Variants in PKHD1L1 observed in about 807,000 individuals in gnomAD.
The protein encoded by PKHD1L1 is fibrocystin-L.
PKHD1L1 carries 434 observed loss-of-function variants against 462.9 expected under a neutral mutation model. The ratio of observed to expected loss-of-function variants is 0.94; its 90% CI spans 0.87 to 1.02. The LOEUF (loss-of-function observed/expected upper bound fraction) is 1.02. Ranked by LOEUF, PKHD1L1 falls within the 50% of genes least tolerant of loss-of-function variation. PKHD1L1 has a pLI of 0.00. For synonymous variants in PKHD1L1, 1,781 were observed against 1,750.0 expected (o/e 1.02, Z -0.44); for missense variants, 5,202 against 5,096.1 (o/e 1.02, Z -0.63).
chr8:109,429,576 C>T, intron 26 of PKHD1L1, 114 bp downstream of exon 26: 2 of 1,019,226 alleles, frequency 2.0e-6, no homozygotes, highest in South Asian at 1.6e-5. Context: ...TTCATGGGAA[C>T]ATTTGTCTTA....
chr8:109,427,639 A>T (rs1814838880), intron 25 of PKHD1L1, among the ~76,000 whole-genome samples: 1 of 152,092 alleles, frequency 6.6e-6, no homozygotes, highest in South Asian at 2.1e-4. Flanking sequence ...ACCTTTCTTT[A>T]GTTAGAAGGA....
intron 29 of PKHD1L1, 44 bp downstream of exon 29, chr8:109,435,398 C>G (rs1563538516): frequency 2.5e-6 from 4 of 1,579,266 alleles, no homozygotes; most frequent in Non-Finnish European, 3.5e-6. Flanking sequence ...GCATGCATTT[C>G]CATCAGTTCA....
intron 45 of PKHD1L1, among the ~76,000 whole-genome samples, chr8:109,455,110 G>C (rs1003780993): frequency 6.6e-6 from 1 of 152,146 alleles, no homozygotes; most frequent in Non-Finnish European, 1.5e-5. Flanking sequence ...AGCCAAAGCG[G>C]GTGAATCACC....
intron 52 of PKHD1L1, 44 bp downstream of exon 52, chr8:109,476,711 T>C: frequency 6.6e-7 from 1 of 1,518,394 alleles, no homozygotes; most frequent in African/African-American, 1.4e-5. Context: ...TAATGCTTTG[T>C]CTAAAAGATG....
rs773123061 is a variant in PKHD1L1, at chr8:109,452,861, G to C, written c.6651G>C (p.Met2217Ile). 1.6e-5 allele frequency: 24 copies of C among 1,456,568 alleles called. No individual in the cohort carries two copies. In the Admixed American group the frequency reaches 5.9e-4, roughly 36 times the overall value. The allele number at this position is 1,456,568 out of a possible 1,614,324, so 90.2% of individuals were successfully genotyped here. The change falls in exon 43 of 78, where the codon ATG becomes ATC. Residue 2217 changes from methionine to isoleucine, a missense_variant. By Grantham distance (10) the Met-to-Ile change is conservative. Coordinates refer to ENST00000378402, the MANE Select transcript of PKHD1L1 (RefSeq NM_177531.6). ...LLDQSTPILK[M>I]LLIQGGTLIF... ...ATCAAAGCACCCCTATTTTGAAAAT[G>C]TTGCTTATTCAGGGTAAATTTCTGA...
At chr8:109,438,547 T>G (rs1586511574) in intron 31 of PKHD1L1, 91 bp downstream of exon 31, 6 of 1,262,798 alleles carry the variant, frequency 4.8e-6, no homozygotes. Flanking sequence ...TTCTGTAGTT[T>G]TGTTTCTTAA....
chr8:109,442,570 C>G (rs1815858534), intron 35 of PKHD1L1, among the ~76,000 whole-genome samples: 1 of 152,122 alleles, frequency 6.6e-6, no homozygotes, highest in African/African-American at 2.4e-5. Flanking sequence ...CAGGACAGCT[C>G]AGTGTAAAAT....
intron 59 of PKHD1L1, among the ~76,000 whole-genome samples, chr8:109,487,295 A>T (rs1169354447): frequency 6.6e-6 from 1 of 152,016 alleles, no homozygotes; most frequent in East Asian, 1.9e-4. Flanking sequence ...GTAATCACGT[A>T]TTATATCATC....
At chr8:109,368,591 G>A (rs1270405354) in intron 2 of PKHD1L1, among the ~76,000 whole-genome samples, 1 of 152,086 alleles carries the variant, frequency 6.6e-6, no homozygotes, top group Non-Finnish European at 1.5e-5. Context: ...CATCCATCAC[G>A]CTGTATCTTT....
intron 28 of PKHD1L1, among the ~76,000 whole-genome samples, chr8:109,433,843 G>C (rs533823520): frequency 6.6e-6 from 1 of 152,112 alleles, no homozygotes; most frequent in East Asian, 1.9e-4. Context: ...GCATTGTTAA[G>C]CTCTAAGAGT....
chr8:109,443,635 A>C (rs913647429), intron 36 of PKHD1L1, 41 bp from the exon 37 acceptor site: 6 of 1,418,536 alleles, frequency 4.2e-6, no homozygotes, highest in Non-Finnish European at 2.9e-6. Context: ...ATCATTTTGG[A>C]ATGTTATTCA....
chr8:109,530,480 G>T lies in PKHD1L1; in HGVS notation c.*390G>T, dbSNP rs1380094095. 3 of 153,046 alleles carry T rather than the reference G, an allele frequency of 2.0e-5. No homozygotes were observed. The highest frequency in any genetic ancestry group is 4.3e-5 in the Non-Finnish European group (3 of 68,974). 9.5% of individuals were successfully genotyped at this position (153,046 alleles called of 1,614,324 possible). Reference sequence around the variant, plus strand: ...ATTCTTTTTAATACTTGAGGGGGGGGGTTCTTATTTTCTCTATCCATTTAC... The same window carrying T: ...ATTCTTTTTAATACTTGAGGGGGGGTGTTCTTATTTTCTCTATCCATTTAC... On this transcript the variant is annotated 3_prime_UTR_variant, in exon 78 of 78. Coordinates refer to ENST00000378402, the MANE Select transcript of PKHD1L1 (RefSeq NM_177531.6).
chr8:109,507,473 A>G (rs990235619), intron 68 of PKHD1L1, among the ~76,000 whole-genome samples, 190 bp from the exon 69 acceptor site: 17 of 152,314 alleles, frequency 1.1e-4, no homozygotes, highest in African/African-American at 4.1e-4. Flanking sequence ...ATCATAGACC[A>G]AATCAACACA....
intron 77 of PKHD1L1, among the ~76,000 whole-genome samples, chr8:109,529,835 C>G (rs1820986384): frequency 6.6e-6 from 1 of 151,558 alleles, no homozygotes. Context: ...AATAAAAGAC[C>G]TTATATTTTA....
At chr8:109,367,032 A>G (rs1811268346) in intron 2 of PKHD1L1, among the ~76,000 whole-genome samples, 1 of 152,188 alleles carries the variant, frequency 6.6e-6, no homozygotes, top group African/African-American at 2.4e-5. Flanking sequence ...ATCCAAGCTC[A>G]TAAAGTTGTA....
intron 1 of PKHD1L1, among the ~76,000 whole-genome samples, chr8:109,363,644 G>A (rs1333334524): frequency 6.6e-6 from 1 of 151,998 alleles, no homozygotes; most frequent in Admixed American, 6.6e-5. Context: ...TATCCACTGT[G>A]TAGCTTTGAG....
intron 58 of PKHD1L1, 103 bp from the exon 59 acceptor site, chr8:109,486,545 T>A: frequency 9.8e-7 from 1 of 1,025,596 alleles, no homozygotes; most frequent in Admixed American, 2.7e-5. Context: ...TCATGTTCAT[T>A]TTTGGCTTAT....
chr8:109,459,861 G>C, intron 47 of PKHD1L1, 25 bp downstream of exon 47: 1 of 1,586,268 alleles, frequency 6.3e-7, no homozygotes, highest in Non-Finnish European at 8.6e-7. Flanking sequence ...TCTCGTGGTT[G>C]GTATAATCAT....
In PKHD1L1 at chr8:109,464,223, A is replaced by G. The variant is rs1448866620; in HGVS notation, c.7391A>G (p.His2464Arg). The G allele has an allele frequency of 6.3e-7, 1 of 1,592,416 alleles. No individual in the cohort carries two copies. The highest frequency in any genetic ancestry group is 1.7e-5 in the Admixed American group (1 of 59,104). Reference protein sequence around the residue: ...TGRIEYVEVFHAGQAFRLGRY... With the variant: ...TGRIEYVEVFRAGQAFRLGRY... ...GATTTCTGGGCTTAACAGGTATTCC[A>G]TGCTGGCCAGGCTTTCCGGTTGGGG... is the stretch of plus-strand genomic sequence containing the variant. Residue 2464 changes from histidine to arginine, a missense_variant, in exon 49 of 78, where the codon CAT becomes CGT. This residue lies in a region of PKHD1L1 where 4,497 missense variants were observed against 4,336.8 expected (regional missense o/e 1.04). Transcript: ENST00000378402.
Sources: gnomAD v4.1 joint callset for allele counts (sites outside exome capture counted in the v4.1 genomes callset) on GRCh38, gnomAD v4.1.1 for gene constraint, gnomAD v4.1.1 regional missense constraint, MANE v1.5 for transcripts, NCBI Gene and HGNC (gene_info 2026-07-23, HGNC 2026-07-21) for gene names.